Variants in LRRC7 observed in about 807,000 individuals in gnomAD.
LRRC7 encodes leucine rich repeat containing 7.
LRRC7 carries 23 observed loss-of-function variants against 175.7 expected under a neutral mutation model. The observed-to-expected ratio is 0.13, with a 90% CI of 0.09 to 0.19. The LOEUF is 0.19. LRRC7 is among the 10% of genes least tolerant of loss of function. The pLI is 1.00. For synonymous variants in LRRC7, 685 were observed against 680.9 expected (o/e 1.01, Z -0.09); for missense variants, 1,354 against 1,904.7 (o/e 0.71, Z 5.38).
At chr1:69,831,388 A>T (rs1426775069) in intron 5 of LRRC7, among the ~76,000 whole-genome samples, 1 of 152,062 alleles carries the variant, frequency 6.6e-6, no homozygotes, top group Non-Finnish European at 1.5e-5. Context: ...ATGCATTACA[A>T]CAAAGTAAAA....
chr1:69,978,553 C>T (rs1160338034), intron 8 of LRRC7, among the ~76,000 whole-genome samples: 2 of 152,224 alleles, frequency 1.3e-5, no homozygotes, highest in African/African-American at 4.8e-5. Flanking sequence ...CACACATCCT[C>T]CATACTACCT....
intron 3 of LRRC7, among the ~76,000 whole-genome samples, chr1:69,773,218 A>G (rs890131959): frequency 2.0e-5 from 3 of 152,236 alleles, no homozygotes; most frequent in Admixed American, 1.3e-4. Flanking sequence ...TGATGGAATA[A>G]TTATAGGACC....
intron 1 of LRRC7, among the ~76,000 whole-genome samples, chr1:69,597,835 C>T (rs1027987202): frequency 1.3e-5 from 2 of 152,136 alleles, no homozygotes; most frequent in Non-Finnish European, 2.9e-5. Flanking sequence ...TAGCATCATG[C>T]AATACCATGC....
At chr1:70,116,393 G>A (rs1275393148) in intron 26 of LRRC7, among the ~76,000 whole-genome samples, 2 of 151,882 alleles carry the variant, frequency 1.3e-5, no homozygotes, top group Non-Finnish European at 2.9e-5. Flanking sequence ...TAAAAATACA[G>A]AAAATTAGCC....
chr1:69,623,848 T>C (rs1419105676), intron 1 of LRRC7, among the ~76,000 whole-genome samples: 1 of 152,158 alleles, frequency 6.6e-6, no homozygotes, highest in Non-Finnish European at 1.5e-5. Context: ...ATATTATATT[T>C]ATGAAATTCA....
intron 7 of LRRC7, among the ~76,000 whole-genome samples, chr1:69,913,287 C>G (rs1341068306): frequency 6.6e-6 from 1 of 152,116 alleles, no homozygotes; most frequent in African/African-American, 2.4e-5. Context: ...TGCCATAAGC[C>G]AGTTTGACTT....
At chr1:69,873,136 A>C (rs1685721145) in intron 7 of LRRC7, among the ~76,000 whole-genome samples, 1 of 152,168 alleles carries the variant, frequency 6.6e-6, no homozygotes, top group Non-Finnish European at 1.5e-5. Flanking sequence ...TAGTGTAAGC[A>C]AGTAATTTTC....
intron 2 of LRRC7, among the ~76,000 whole-genome samples, chr1:69,700,839 A>G (rs1395147498): frequency 1.3e-5 from 2 of 152,336 alleles, no homozygotes; most frequent in East Asian, 1.9e-4. Context: ...TCAGCAGAGA[A>G]ATAATGTGAT....
At chr1:69,581,070 G>A (rs1265246240) in intron 1 of LRRC7, among the ~76,000 whole-genome samples, 1 of 152,104 alleles carries the variant, frequency 6.6e-6, no homozygotes, top group Non-Finnish European at 1.5e-5. Context: ...GGGAGCACAG[G>A]GAGACTGGCA....
intron 11 of LRRC7, among the ~76,000 whole-genome samples, chr1:70,004,494 T>C (rs1407880473): frequency 2.0e-5 from 3 of 152,196 alleles, no homozygotes; most frequent in Non-Finnish European, 4.4e-5. Context: ...AATTCCTTTG[T>C]GTGTGTTTAG....
intron 8 of LRRC7, among the ~76,000 whole-genome samples, chr1:69,942,078 A>C (rs1466475015): frequency 6.6e-6 from 1 of 152,086 alleles, no homozygotes; most frequent in African/African-American, 2.4e-5. Context: ...GTCTCAATAC[A>C]TGCTCTGGCC....
At chr1:69,583,306 G>T (rs1646273139) in intron 1 of LRRC7, among the ~76,000 whole-genome samples, 1 of 151,512 alleles carries the variant, frequency 6.6e-6, no homozygotes, top group Non-Finnish European at 1.5e-5. Flanking sequence ...TAAATTTTTT[G>T]TTTTGTTAAT....
At chr1:69,761,667 C>T (rs1043259252) in intron 3 of LRRC7, among the ~76,000 whole-genome samples, 1 of 152,022 alleles carries the variant, frequency 6.6e-6, no homozygotes, top group African/African-American at 2.4e-5. Flanking sequence ...ACTAGGATTG[C>T]ACATCAACTA....
At chr1:69,786,656 T>C (rs7533535) in intron 3 of LRRC7, among the ~76,000 whole-genome samples, 11 of 151,898 alleles carry the variant, frequency 7.2e-5, no homozygotes, top group Non-Finnish European at 1.5e-4. Flanking sequence ...AAGAGCTTGT[T>C]CAGGGAAACT....
chr1:70,036,038 T>G (rs1659280599), intron 18 of LRRC7, 83 bp from the exon 19 acceptor site: 1 of 1,012,256 alleles, frequency 9.9e-7, no homozygotes, highest in Non-Finnish European at 1.4e-6. Context: ...TTTTTTAATC[T>G]GAGCCAAATA....
At chr1:69,752,361 GA>G (rs1669933230) in intron 2 of LRRC7, among the ~76,000 whole-genome samples, 1 of 152,258 alleles carries the variant, frequency 6.6e-6, no homozygotes, top group South Asian at 2.1e-4. Context: ...TTTGTCACAA[GA>G]AATCTTGGAA....
chr1:70,038,040 G>T, intron 20 of LRRC7, 73 bp from the exon 21 acceptor site: 1 of 1,515,832 alleles, frequency 6.6e-7, no homozygotes. Flanking sequence ...GGCCCTCTTT[G>T]CTGCTTGTTC....
intron 21 of LRRC7, among the ~76,000 whole-genome samples, chr1:70,041,191 AG>A (rs1309701037): frequency 6.6e-6 from 1 of 152,226 alleles, no homozygotes; most frequent in African/African-American, 2.4e-5. Context: ...TCCTGCTAAA[AG>A]CACAGGTCAC....
chr1:69,822,957 A>T (rs1679473148), intron 4 of LRRC7, among the ~76,000 whole-genome samples: 1 of 152,198 alleles, frequency 6.6e-6, no homozygotes, highest in South Asian at 2.1e-4. Context: ...ACTCATTTTC[A>T]TAGTTTTGGA....
Sources: gnomAD v4.1 joint callset for allele counts (sites outside exome capture counted in the v4.1 genomes callset) on GRCh38, gnomAD v4.1.1 for gene constraint, MANE v1.5 for transcripts, NCBI Gene and HGNC (gene_info 2026-07-23, HGNC 2026-07-21) for gene names.